The following PARN variants were observed in gnomAD, a reference collection of about 807,000 sequenced individuals.
The protein encoded by PARN is poly(A)-specific ribonuclease PARN.
A neutral mutation model predicts 102.8 loss-of-function variants in PARN; 71 were observed. That is an observed-to-expected ratio of 0.69 (90% CI 0.57 to 0.84). The LOEUF (loss-of-function observed/expected upper bound fraction) is 0.84. PARN is among the 40% of genes least tolerant of loss of function. The pLI is 0.00. For synonymous variants in PARN, 261 were observed against 252.9 expected (o/e 1.03, Z -0.30); for missense variants, 782 against 760.9 (o/e 1.03, Z -0.33).
intron 22 of PARN, among the ~76,000 whole-genome samples, chr16:14,475,722 G>C (rs541909334): frequency 6.6e-6 from 1 of 152,326 alleles, no homozygotes; most frequent in South Asian, 2.1e-4. Context: ...GAGTCACAGA[G>C]CAGTGCCTGT....
chr16:14,614,579 C>T (rs1367855179), intron 6 of PARN, among the ~76,000 whole-genome samples: 2 of 152,034 alleles, frequency 1.3e-5, no homozygotes, highest in East Asian at 3.9e-4. Context: ...GGGCCAGGCA[C>T]GGTGATCACA....
chr16:14,486,764 G>C (rs747903535), intron 21 of PARN, among the ~76,000 whole-genome samples: 2 of 152,230 alleles, frequency 1.3e-5, no homozygotes, highest in African/African-American at 4.8e-5. Context: ...GGATGAATCA[G>C]CAAAATGAAT....
chr16:14,462,041 G>A (rs556545299), intron 22 of PARN, among the ~76,000 whole-genome samples: 10 of 152,320 alleles, frequency 6.6e-5, no homozygotes, highest in African/African-American at 2.4e-4. Context: ...ACACATCGTA[G>A]TCACTGAAAT....
intron 13 of PARN, among the ~76,000 whole-genome samples, chr16:14,587,637 TA>T (rs1306600853): frequency 1.3e-5 from 2 of 152,234 alleles, no homozygotes; most frequent in African/African-American, 4.8e-5. Context: ...CCCAGCCTTC[TA>T]ATTTATTAGG....
chr16:14,576,984 T>C (rs1055597841), intron 18 of PARN, among the ~76,000 whole-genome samples: 4 of 152,228 alleles, frequency 2.6e-5, no homozygotes, highest in Non-Finnish European at 4.4e-5. Flanking sequence ...CAAAATGGCA[T>C]AACTGATGCT....
At chr16:14,518,116 C>T (rs1316210291) in intron 21 of PARN, among the ~76,000 whole-genome samples, 2 of 150,898 alleles carry the variant, frequency 1.3e-5, no homozygotes, top group East Asian at 3.9e-4. Context: ...ATTTAATTTG[C>T]TCTTTTTTAA....
chr16:14,612,491 G>A (rs1347369584), intron 6 of PARN, among the ~76,000 whole-genome samples: 9 of 152,270 alleles, frequency 5.9e-5, no homozygotes, highest in African/African-American at 1.7e-4. Flanking sequence ...CAAGCGATTG[G>A]GAAGATGGTA....
chr16:14,599,831 C>A, intron 12 of PARN, 73 bp downstream of exon 12: 1 of 865,786 alleles, frequency 1.2e-6, no homozygotes, highest in South Asian at 1.6e-5. Context: ...AATGATTAAT[C>A]TGCAATGATA....
chr16:14,495,842 C>T (rs535222459), intron 21 of PARN, among the ~76,000 whole-genome samples: 9 of 152,040 alleles, frequency 5.9e-5, no homozygotes, highest in Admixed American at 6.6e-5. Flanking sequence ...GGTGTGTGCG[C>T]GGACAGCTTT....
In PARN at chr16:14,558,934, G is replaced by A. The variant is rs117240759; in HGVS notation, c.1263-3225C>T. 5.3e-3 allele frequency among the ~76,000 whole-genome samples: 801 copies of A among 152,188 alleles called. 5 individuals are homozygous for A. Among genetic ancestry groups the A allele is most frequent in the Admixed American group, 0.016 (244 of 15,294 alleles). ...GAGAAGCCCAGGGAAAATAACTAGA[G>A]ACTTTCTTAGAAAAAGCCAACCGAA... On this transcript the variant is annotated intron_variant, in intron 18 of 23. Coordinates refer to ENST00000437198, the MANE Select transcript of PARN (RefSeq NM_002582.4).
intron 23 of PARN, among the ~76,000 whole-genome samples, chr16:14,446,630 T>C (rs1596432274): frequency 6.6e-6 from 1 of 152,126 alleles, no homozygotes. Context: ...CTCTACACCA[T>C]GGAGGAGAGA....
chr16:14,437,233 G>A (rs1289264987), intron 23 of PARN, among the ~76,000 whole-genome samples: 1 of 152,214 alleles, frequency 6.6e-6, no homozygotes, highest in East Asian at 1.9e-4. Context: ...GAGCTAGCAA[G>A]TGGCTGAGAT....
intron 21 of PARN, among the ~76,000 whole-genome samples, chr16:14,543,888 C>A (rs1003226752): frequency 1.3e-5 from 2 of 152,100 alleles, no homozygotes; most frequent in Non-Finnish European, 2.9e-5. Flanking sequence ...TCAGAGTCAA[C>A]AGAAGAAATA....
chr16:14,484,434 G>A (rs1385613337), intron 21 of PARN, among the ~76,000 whole-genome samples: 1 of 152,202 alleles, frequency 6.6e-6, no homozygotes, highest in Admixed American at 6.5e-5. Flanking sequence ...TCAGAGCCTG[G>A]CCACGCTGTT....
intron 18 of PARN, 150 bp downstream of exon 18, chr16:14,580,724 T>C: frequency 1.9e-6 from 1 of 522,140 alleles, no homozygotes; most frequent in Non-Finnish European, 3.5e-6. Context: ...GGTCACTTTC[T>C]ACTTTCAAAA....
chr16:14,561,072 G>C (rs796535553), intron 18 of PARN, among the ~76,000 whole-genome samples: 1 of 150,692 alleles, frequency 6.6e-6, no homozygotes, highest in Non-Finnish European at 1.5e-5. Context: ...CAGGAGAATC[G>C]CTTGAACCCA....
chr16:14,493,082 A>T (rs1964139993), intron 21 of PARN, among the ~76,000 whole-genome samples: 1 of 148,636 alleles, frequency 6.7e-6, no homozygotes, highest in Admixed American at 6.7e-5. Context: ...AAACAACAAT[A>T]AAAAAAAAGA....
intron 12 of PARN, among the ~76,000 whole-genome samples, chr16:14,595,760 A>C (rs1395514239): frequency 6.6e-6 from 1 of 151,958 alleles, no homozygotes; most frequent in Admixed American, 6.6e-5. Flanking sequence ...CAAACTCCTG[A>C]CCTCACGTGA....
rs200799394 is a variant in PARN, at chr16:14,443,340, C to CTT, written c.1864+3546_1864+3547dup. On this transcript the variant is annotated intron_variant, in intron 23 of 23. Coordinates refer to ENST00000437198, the MANE Select transcript of PARN (RefSeq NM_002582.4). ...AAAAAGAACAGATATAAAGAGATTA[C>CTT]TTTTTTTTTTTTTTTTTGAGACAGA... Among the ~76,000 whole-genome samples the CTT allele has an allele frequency of 2.7e-3, 372 of 139,088 alleles. 3 individuals carry two copies. The highest frequency in any genetic ancestry group is 8.4e-3 in the African/African-American group (318 of 37,810). The allele number at this position is 139,088 out of a possible 152,430, so 91.2% of individuals were successfully genotyped here. A position where few individuals can be genotyped will look rare whatever the true frequency, so the allele number is the denominator to read the frequency against.
Sources: allele counts gnomAD v4.1 joint callset (sites outside exome capture counted in the v4.1 genomes callset), GRCh38; gene constraint gnomAD v4.1.1; transcripts MANE v1.5; gene names NCBI Gene and HGNC (gene_info 2026-07-23, HGNC 2026-07-21).